The following TXLNB variants were observed in gnomAD, a reference collection of about 807,000 sequenced individuals.
TXLNB encodes taxilin beta.
A neutral mutation model predicts 57.4 loss-of-function variants in TXLNB; 37 were observed. The ratio of observed to expected loss-of-function variants is 0.64; its 90% confidence interval spans 0.50 to 0.85. TXLNB has a LOEUF of 0.85. TXLNB is among the 40% of genes least tolerant of loss of function. The pLI is 0.00. For synonymous variants in TXLNB, 302 were observed against 309.6 expected (o/e 0.98, Z 0.26); for missense variants, 848 against 825.6 (o/e 1.03, Z -0.33).
chr6:139,250,134 C>T (rs116180170), intron 7 of TXLNB, among the ~76,000 whole-genome samples: 5 of 151,856 alleles, frequency 3.3e-5, no homozygotes, highest in African/African-American at 1.2e-4. Context: ...CCTGCATCAG[C>T]CTCCAGAGTT....
At chr6:139,318,849 A>C in the TXLNB span, among the ~76,000 whole-genome samples, 2 of 152,172 alleles carry the variant, frequency 1.3e-5, no homozygotes, top group Admixed American at 6.5e-5. Context: ...AAATGAATAA[A>C]CTAAAATGAT....
chr6:139,166,149 C>A, the TXLNB span: 1 of 722,474 alleles, frequency 1.4e-6, no homozygotes, highest in Non-Finnish European at 2.3e-6. Flanking sequence ...AGTGATTCAT[C>A]TTTAAAGGAA....
chr6:139,181,369 C>T, the TXLNB span, among the ~76,000 whole-genome samples: 1 of 152,210 alleles, frequency 6.6e-6, no homozygotes, highest in African/African-American at 2.4e-5. Flanking sequence ...AAATTGTGCA[C>T]CATTCTGAGT....
At chr6:139,296,153 C>T (rs1777385519), upstream of TXLNB, among the ~76,000 whole-genome samples, 1 of 152,118 alleles carries the variant, frequency 6.6e-6, no homozygotes, top group Admixed American at 6.5e-5. Flanking sequence ...TGCCTGGCTC[C>T]TATTCTTCCT....
chr6:139,176,496 C>T, the TXLNB span, among the ~76,000 whole-genome samples: 3 of 152,222 alleles, frequency 2.0e-5, no homozygotes, highest in East Asian at 5.8e-4. This position sits in a 1 kb window ranked among gnomAD's most constrained non-coding sequence, Gnocchi z 4.5. Flanking sequence ...AGACCAGCAC[C>T]GCACTTCCTG....
rs1255468969 is a variant in TXLNB at position 139,242,828 on chromosome 6, C to G, written c.1753G>C (p.Gly585Arg). 1 of 1,614,040 alleles carries G rather than the reference C, an allele frequency of 6.2e-7. No homozygotes were observed. The highest frequency in any genetic ancestry group is 1.3e-5 in the African/African-American group (1 of 74,910). Residue 585 changes from glycine to arginine, a missense_variant, in exon 10 of 10, where the codon GGA becomes CGA. Physicochemically the swap from Gly to Arg is moderately radical, Grantham distance 125. Transcript: ENST00000358430. ...AGACCCTCGCATTGGGTTTCTGCTC[C>G]CAACCCGGCAGGAGAATTACTGGCC... Reference protein sequence around the residue: ...SKASNSPAGLGAETQCEGLPV... With the variant: ...SKASNSPAGLRAETQCEGLPV...
At chr6:139,185,645 G>C in the TXLNB span, among the ~76,000 whole-genome samples, 1 of 152,160 alleles carries the variant, frequency 6.6e-6, no homozygotes, top group East Asian at 1.9e-4. Flanking sequence ...AGCTTGCAGT[G>C]AGCCGAGATC....
chr6:139,316,832 T>C, the TXLNB span, among the ~76,000 whole-genome samples: 1 of 152,144 alleles, frequency 6.6e-6, no homozygotes, highest in South Asian at 2.1e-4. Context: ...TTTTTCAATA[T>C]GTAAGTGGCC....
the TXLNB span, among the ~76,000 whole-genome samples, chr6:139,229,066 T>C: frequency 2.0e-5 from 3 of 152,198 alleles, no homozygotes; most frequent in African/African-American, 4.8e-5. Context: ...GGAAGGGACA[T>C]GGGCAGGAAA....
At chr6:139,191,324 C>G in the TXLNB span, among the ~76,000 whole-genome samples, 2 of 152,096 alleles carry the variant, frequency 1.3e-5, no homozygotes, top group African/African-American at 2.4e-5. Flanking sequence ...AAGGCTGAGG[C>G]AGAAGAATCG....
chr6:139,290,931 AACACACAGAT>A (rs1235230399), intron 1 of TXLNB, among the ~76,000 whole-genome samples: 1 of 152,244 alleles, frequency 6.6e-6, no homozygotes, highest in East Asian at 1.9e-4. Context: ...CAGAAAATTC[AACACACAGAT>A]GTTGCCACTG....
intron 9 of TXLNB, 132 bp from the exon 10 acceptor site, chr6:139,243,446 T>C (rs2114423419): frequency 2.2e-6 from 2 of 892,682 alleles, no homozygotes; most frequent in South Asian, 1.8e-5. Flanking sequence ...GGGACCTGGC[T>C]ACAGAGTAGG....
At chr6:139,215,738 G>C in the TXLNB span, among the ~76,000 whole-genome samples, 1 of 152,118 alleles carries the variant, frequency 6.6e-6, no homozygotes, top group Non-Finnish European at 1.5e-5. Context: ...TGGACAAAGG[G>C]CTAATATCCA....
At chr6:139,166,241 A>G in the TXLNB span, 8 of 1,503,646 alleles carry the variant, frequency 5.3e-6, no homozygotes, top group Non-Finnish European at 7.2e-6. Flanking sequence ...AGTACCCCTA[A>G]TCCAAAAATC....
At chr6:139,193,678 G>A in the TXLNB span, among the ~76,000 whole-genome samples, 17 of 150,890 alleles carry the variant, frequency 1.1e-4, no homozygotes, top group South Asian at 2.1e-4. Context: ...TTTTGAAGAC[G>A]GAGTTTTGCT....
At chr6:139,162,531 G>A in the TXLNB span, among the ~76,000 whole-genome samples, 1 of 152,204 alleles carries the variant, frequency 6.6e-6, no homozygotes, top group African/African-American at 2.4e-5. Context: ...TCTGAACTGT[G>A]AATTGCTGTC....
the TXLNB span, among the ~76,000 whole-genome samples, chr6:139,208,410 G>A: frequency 0.037 from 5,693 of 152,190 alleles, 348 homozygotes; most frequent in African/African-American, 0.13. Context: ...CCAAAAGATA[G>A]AGAAAGAGGG....
intron 1 of TXLNB, among the ~76,000 whole-genome samples, chr6:139,290,522 C>A (rs888103061): frequency 1.2e-4 from 19 of 152,188 alleles, no homozygotes; most frequent in Non-Finnish European, 2.5e-4. Flanking sequence ...TCAGGAAGCT[C>A]TAGAAAAACT....
chr6:139,182,298 G>A, the TXLNB span, among the ~76,000 whole-genome samples: 2 of 152,226 alleles, frequency 1.3e-5, no homozygotes, highest in African/African-American at 4.8e-5. Context: ...GCCTTATAAA[G>A]GACTTGGGAT....
Sources: gnomAD v4.1 joint callset for allele counts (sites outside exome capture counted in the v4.1 genomes callset) on GRCh38, gnomAD v4.1.1 for gene constraint, Gnocchi (gnomAD v3.1) non-coding constraint, MANE v1.5 for transcripts, NCBI Gene and HGNC (gene_info 2026-07-23, HGNC 2026-07-21) for gene names.